Variants in SPAG17 observed in about 807,000 individuals in gnomAD.
SPAG17 encodes the protein sperm-associated antigen 17.
A neutral mutation model predicts 273.6 loss-of-function variants in SPAG17; 169 were observed. The observed-to-expected ratio is 0.62, with a 90% confidence interval of 0.55 to 0.70. The LOEUF (loss-of-function observed/expected upper bound fraction) is 0.70. Ranked by LOEUF, SPAG17 falls within the 30% of genes least tolerant of loss-of-function variation. SPAG17 has a pLI of 0.00. For missense variants in SPAG17, 2,557 were observed against 2,627.8 expected, an observed-to-expected ratio of 0.97 and a Z score of 0.59; for synonymous variants, 825 against 873.2, an observed-to-expected ratio of 0.94 and a Z score of 0.97.
chr1:118,060,883 T>C (rs1250351746), intron 18 of SPAG17, among the ~76,000 whole-genome samples: 1 of 152,210 alleles, frequency 6.6e-6, no homozygotes, highest in African/African-American at 2.4e-5. Flanking sequence ...TTGCTGTCTT[T>C]GCAATTTAAG....
intron 1 of SPAG17, among the ~76,000 whole-genome samples, chr1:118,174,386 TC>T (rs1209218050): frequency 6.6e-6 from 1 of 152,112 alleles, no homozygotes; most frequent in Non-Finnish European, 1.5e-5. Flanking sequence ...GAGGAAATAA[TC>T]AGTGAACTCG....
chr1:118,133,109 G>A (rs1658147286), intron 3 of SPAG17, among the ~76,000 whole-genome samples: 2 of 152,150 alleles, frequency 1.3e-5, no homozygotes, highest in Non-Finnish European at 2.9e-5. Context: ...ACCACTGTGA[G>A]TTGGGCAGAG....
At chr1:118,118,188 A>G (rs956124537) in intron 3 of SPAG17, among the ~76,000 whole-genome samples, 1 of 152,240 alleles carries the variant, frequency 6.6e-6, no homozygotes, top group African/African-American at 2.4e-5. Flanking sequence ...CTTTTCACAT[A>G]ACATCTCCAA....
chr1:117,953,618 A>G lies in SPAG17; in HGVS notation c.*432T>C, dbSNP rs578248850. On this transcript the variant is annotated 3_prime_UTR_variant, in exon 49 of 49. Coordinates refer to ENST00000336338, the MANE Select transcript of SPAG17 (RefSeq NM_206996.4). ...TTAGTAAAAGTTTTATTCTGTATCAACCAGAAAGCCATTTTTTTGGCAAAA... is the reference window on the plus strand; with the variant it reads ...TTAGTAAAAGTTTTATTCTGTATCAGCCAGAAAGCCATTTTTTTGGCAAAA... 5.8e-5 allele frequency: 86 copies of G among 1,489,336 alleles called. No individual in the cohort carries two copies. The South Asian group carries it at 9.7e-4, about 17-fold the overall frequency. 92.3% of individuals were successfully genotyped at this position (1,489,336 alleles called of 1,614,324 possible). A position where few individuals can be genotyped will look rare whatever the true frequency, so the allele number is the denominator to read the frequency against.
intron 43 of SPAG17, 57 bp downstream of exon 43, chr1:117,981,213 C>A (rs1456412379): frequency 4.7e-6 from 7 of 1,499,500 alleles, no homozygotes; most frequent in African/African-American, 1.4e-5. Flanking sequence ...CTCCCATATG[C>A]CAAAAAGACA....
chr1:118,099,637 G>A lies in SPAG17; in HGVS notation c.798C>T (p.Asn266=), dbSNP rs1019495093. The A allele has an allele frequency of 1.2e-6, 2 of 1,614,012 alleles. No homozygotes were observed. Among genetic ancestry groups the A allele is most frequent in the Middle Eastern group, 1.7e-4 (1 of 6,056 alleles). The part of the protein sequence containing the change: ...EPLQTHLAAV[N]QQQEVLLQSE... ...ACTGAAGAAGAACTTCCTGCTGCTG[G>A]TTAACTGCTGCCAGGTGTGTCTGCA... The change falls in exon 6 of 49, where the codon AAC becomes AAT. Residue 266 remains asparagine, a synonymous_variant. Transcript: ENST00000336338.
intron 4 of SPAG17, among the ~76,000 whole-genome samples, chr1:118,112,594 G>C (rs1481521775): frequency 2.6e-5 from 4 of 151,992 alleles, no homozygotes; most frequent in Non-Finnish European, 4.4e-5. Flanking sequence ...TATATTTATG[G>C]AAATACAGTG....
chr1:117,959,156 AAC>A (rs1416238562), intron 48 of SPAG17: 1 of 1,357,386 alleles, frequency 7.4e-7, no homozygotes, highest in East Asian at 2.4e-5. Flanking sequence ...GAATAGAAAA[AAC>A]AAACAAGAAA....
At chr1:118,083,762 C>T (rs576374464) in intron 13 of SPAG17, among the ~76,000 whole-genome samples, 33 of 151,868 alleles carry the variant, frequency 2.2e-4, no homozygotes, top group Non-Finnish European at 1.0e-4. Flanking sequence ...TCCAGCCTGG[C>T]GACAGAGTGA....
At chr1:118,009,734 T>A (rs1571227806) in intron 30 of SPAG17, among the ~76,000 whole-genome samples, 2 of 152,214 alleles carry the variant, frequency 1.3e-5, no homozygotes, top group Admixed American at 1.3e-4. Context: ...ATCACTCCCA[T>A]CTCTGTTGAG....
intron 3 of SPAG17, among the ~76,000 whole-genome samples, chr1:118,135,257 C>T (rs752252762): frequency 6.6e-6 from 1 of 152,114 alleles, no homozygotes; most frequent in East Asian, 1.9e-4. Flanking sequence ...TGCTAGTTCA[C>T]TAGTTCAGAA....
chr1:117,953,612 G>T lies in SPAG17; in HGVS notation c.*438C>A. ...AACTTTTTAGTAAAAGTTTTATTCT[G>T]TATCAACCAGAAAGCCATTTTTTTG... On this transcript the variant is annotated 3_prime_UTR_variant, in exon 49 of 49. Coordinates refer to ENST00000336338, the MANE Select transcript of SPAG17 (RefSeq NM_206996.4). 6.6e-7 allele frequency: 1 copy of T among 1,522,750 alleles called. No homozygotes were observed. The highest frequency in any genetic ancestry group is 8.9e-7 in the Non-Finnish European group (1 of 1,123,434). The allele number at this position is 1,522,750 out of a possible 1,614,324, so 94.3% of individuals were successfully genotyped here.
rs147119796 is a variant in SPAG17, at chr1:118,031,926, G to A, written c.3434-59C>T. The A allele has an allele frequency of 3.3e-4, 444 of 1,365,058 alleles. 2 individuals are homozygous for A. In the African/African-American group the frequency reaches 5.4e-3, roughly 17 times the overall value. 84.6% of individuals were successfully genotyped at this position (1,365,058 alleles called of 1,614,324 possible). On this transcript the variant is annotated intron_variant, in intron 24 of 48. Coordinates refer to ENST00000336338, the MANE Select transcript of SPAG17 (RefSeq NM_206996.4). ...CAACATTCATATTTGATATCCTTGTGAAATAACATTTACAACTCAAAAATT... is the reference window on the plus strand; with the variant it reads ...CAACATTCATATTTGATATCCTTGTAAAATAACATTTACAACTCAAAAATT...
intron 26 of SPAG17, among the ~76,000 whole-genome samples, chr1:118,025,792 C>T (rs1647675905): frequency 1.3e-5 from 2 of 152,202 alleles, no homozygotes; most frequent in Admixed American, 6.5e-5. Flanking sequence ...ATGCCTGGTG[C>T]TTAATTATTT....
chr1:118,102,052 A>G (rs1307280074), intron 4 of SPAG17, 126 bp from the exon 5 acceptor site: 16 of 825,214 alleles, frequency 1.9e-5, no homozygotes, highest in Non-Finnish European at 3.0e-5. Context: ...TTAGGTATTC[A>G]TTATATAAGT....
intron 32 of SPAG17, among the ~76,000 whole-genome samples, chr1:118,002,348 G>A (rs1307148745): frequency 6.6e-6 from 1 of 152,130 alleles, no homozygotes; most frequent in Non-Finnish European, 1.5e-5. Flanking sequence ...TCTGCTTGGT[G>A]CAGAACTGAG....
Position 118,151,290 on chromosome 1 carries a change from G to A in SPAG17, c.167C>T (p.Ala56Val). The change falls in exon 2 of 49, where the codon GCT becomes GTT. Residue 56 changes from alanine to valine, a missense_variant. Transcript: ENST00000336338. ...GAGTTTACGCTGAGGGACCTGGACA[G>A]CCACGGTAAGGGCTTGGATGAGAAG... is the stretch of plus-strand genomic sequence containing the variant. ...DDLLIQALTV[A>V]VQVPQRKLFS... 6.2e-7 allele frequency: 1 copy of A among 1,613,654 alleles called. No homozygotes were observed. The highest frequency in any genetic ancestry group is 8.5e-7 in the Non-Finnish European group (1 of 1,179,702).
At chr1:118,174,065 A>C (rs1660565586) in intron 1 of SPAG17, among the ~76,000 whole-genome samples, 1 of 152,174 alleles carries the variant, frequency 6.6e-6, no homozygotes, top group African/African-American at 2.4e-5. Context: ...TGAGGCATAC[A>C]GATAAATTGG....
chr1:118,148,001 T>C (rs1282720367), intron 3 of SPAG17, among the ~76,000 whole-genome samples: 3 of 152,198 alleles, frequency 2.0e-5, no homozygotes, highest in African/African-American at 4.8e-5. Flanking sequence ...GAGAGTACCC[T>C]ACAAGTAGAA....
Sources: allele counts gnomAD v4.1 joint callset (sites outside exome capture counted in the v4.1 genomes callset), GRCh38; gene constraint gnomAD v4.1.1; transcripts MANE v1.5; gene names NCBI Gene and HGNC (gene_info 2026-07-23, HGNC 2026-07-21).